Variants in SCN11A observed in about 807,000 individuals in gnomAD.
SCN11A encodes the protein sodium voltage-gated channel alpha subunit 11.
SCN11A carries 122 observed loss-of-function variants against 162.2 expected under a neutral mutation model. That is an observed-to-expected ratio of 0.75 (90% CI 0.65 to 0.87). The LOEUF (loss-of-function observed/expected upper bound fraction) is 0.87. Among genes scored for constraint, SCN11A ranks in the 40% least tolerant of loss-of-function variants. SCN11A has a pLI of 0.00. For missense variants in SCN11A, 2,015 were observed against 2,181.6 expected (o/e 0.92, Z 1.52); for synonymous variants, 758 against 751.5 (o/e 1.01, Z -0.14).
intron 2 of SCN11A, among the ~76,000 whole-genome samples, chr3:38,989,839 A>C (rs889263144): frequency 5.9e-5 from 9 of 151,956 alleles, no homozygotes; most frequent in African/African-American, 2.2e-4. Context: ...GGCCCCCTAC[A>C]ATCCGTTCCC....
At chr3:38,901,922 G>A (rs2065707488) in intron 16 of SCN11A, among the ~76,000 whole-genome samples, 1 of 152,202 alleles carries the variant, frequency 6.6e-6, no homozygotes, top group Admixed American at 6.5e-5. Context: ...TGGAGGAAGT[G>A]AAGAAGAATG....
chr3:39,024,571 A>G (rs986823682), intron 2 of SCN11A, among the ~76,000 whole-genome samples: 1 of 152,244 alleles, frequency 6.6e-6, no homozygotes, highest in Non-Finnish European at 1.5e-5. Context: ...CACAGAAACC[A>G]GAACCCCTTT....
chr3:38,946,324 T>G (rs1289384069), intron 6 of SCN11A, among the ~76,000 whole-genome samples: 1 of 152,208 alleles, frequency 6.6e-6, no homozygotes, highest in Non-Finnish European at 1.5e-5. Context: ...CCAGTTTCCA[T>G]CTTTCAAGAA....
intron 2 of SCN11A, among the ~76,000 whole-genome samples, chr3:39,019,833 T>C (rs2031398382): frequency 6.6e-6 from 1 of 152,266 alleles, no homozygotes; most frequent in African/African-American, 2.4e-5. Flanking sequence ...ATAGGGTTTT[T>C]CTTATCATCG....
Position 38,847,536 on chromosome 3 carries a change from C to T in SCN11A, c.4534G>A (p.Ala1512Thr), listed in dbSNP as rs996917972. ...LLLFLIMFIY[A>T]ILGMNWFSKV... ...GAAAACCAGTTCATACCCAGAATGG[C>T]ATAGATAAACATAATCAGAAAGAGT... Residue 1512 changes from alanine (A) to threonine (T), a missense_variant, in exon 30 of 30, where the codon GCC (alanine) becomes ACC (threonine). Physicochemically the swap from Ala to Thr is moderately conservative, Grantham distance 58 (BLOSUM62 0). Coordinates refer to ENST00000302328, the MANE Select transcript of SCN11A (RefSeq NM_001349253.2). The T allele has an allele frequency of 1.2e-6, 2 of 1,614,054 alleles. No homozygotes were observed. The highest frequency in any genetic ancestry group is 1.7e-6 in the Non-Finnish European group (2 of 1,179,960).
At chr3:39,004,461 T>A (rs2030909723) in intron 2 of SCN11A, among the ~76,000 whole-genome samples, 2 of 152,224 alleles carry the variant, frequency 1.3e-5, no homozygotes, top group African/African-American at 4.8e-5. Flanking sequence ...ATGTGACACC[T>A]CCAGCTTTCT....
intron 2 of SCN11A, among the ~76,000 whole-genome samples, chr3:38,963,351 GGATATATATATATATATA>G (rs2066754502): frequency 3.0e-5 from 1 of 33,656 alleles, no homozygotes; most frequent in African/African-American, 7.8e-5. Context: ...TCTATTTGAT[GGATATATATATATATATA>G]TATATATATA....
chr3:39,021,522 A>G (rs185352742), intron 2 of SCN11A, among the ~76,000 whole-genome samples: 2 of 152,278 alleles, frequency 1.3e-5, no homozygotes, highest in African/African-American at 4.8e-5. Context: ...GGAATAACAG[A>G]TCAGAGAATG....
chr3:39,026,879 C>A (rs2031601999), intron 2 of SCN11A, among the ~76,000 whole-genome samples: 1 of 152,118 alleles, frequency 6.6e-6, no homozygotes, highest in Non-Finnish European at 1.5e-5. Flanking sequence ...TTTCTGAAAG[C>A]AGAATAAGCA....
rs2064938635 is a variant in SCN11A, at chr3:38,860,089, C to T, written c.4056+3106G>A. Among the ~76,000 whole-genome samples, 4 of 152,046 alleles carry T rather than the reference C, an allele frequency of 2.6e-5. No individual in the cohort carries two copies. The South Asian group carries it at 8.3e-4, about 32-fold the overall frequency. On this transcript the variant is annotated intron_variant, in intron 28 of 29. Coordinates refer to ENST00000302328, the MANE Select transcript of SCN11A (RefSeq NM_001349253.2). ...CATTCCACCCAGGAACAGAAGATAG[C>T]AAGAAAACCTCACTTCGACCCCCTA...
chr3:38,942,635 G>A (rs1339290762), intron 7 of SCN11A, among the ~76,000 whole-genome samples: 1 of 152,040 alleles, frequency 6.6e-6, no homozygotes, highest in African/African-American at 2.4e-5. Flanking sequence ...GAAAATGTAG[G>A]GAATATTTTG....
At chr3:38,878,168 T>TAATTAATAAATA (rs1553634654) in intron 23 of SCN11A, among the ~76,000 whole-genome samples, 1 of 148,274 alleles carries the variant, frequency 6.7e-6, no homozygotes, top group Non-Finnish European at 1.5e-5. Flanking sequence ...TATTGAAATA[T>TAATTAATAAATA]AATAAATAAA....
chr3:38,950,592 C>A, intron 4 of SCN11A: 1 of 533,066 alleles, frequency 1.9e-6, no homozygotes, highest in South Asian at 2.3e-5. Context: ...CAAAGCAGGG[C>A]ATCATTCCTG....
intron 11 of SCN11A, among the ~76,000 whole-genome samples, chr3:38,913,408 T>A (rs996314457): frequency 6.6e-6 from 1 of 152,238 alleles, no homozygotes; most frequent in Admixed American, 6.5e-5. Context: ...TGCAAATATT[T>A]TCTCCCATTC....
chr3:38,899,181 T>C (rs1053262549), intron 17 of SCN11A, among the ~76,000 whole-genome samples: 4 of 152,178 alleles, frequency 2.6e-5, no homozygotes, highest in African/African-American at 7.2e-5. Context: ...CCTTCTCAGA[T>C]TGGATTTCTC....
At chr3:38,894,195 A>G (rs1479632972) in intron 19 of SCN11A, among the ~76,000 whole-genome samples, 1 of 152,098 alleles carries the variant, frequency 6.6e-6, no homozygotes, top group Non-Finnish European at 1.5e-5. Context: ...AACAAACAAA[A>G]CATGCTATTC....
At chr3:38,952,324 AAAG>A (rs1245236848) in intron 4 of SCN11A, among the ~76,000 whole-genome samples, 1 of 152,168 alleles carries the variant, frequency 6.6e-6, no homozygotes, top group Non-Finnish European at 1.5e-5. Flanking sequence ...TAGACACTGA[AAAG>A]AAGCAGTAGT....
At chr3:38,958,254 G>A (rs962012710) in intron 3 of SCN11A, among the ~76,000 whole-genome samples, 14 of 151,240 alleles carry the variant, frequency 9.3e-5, no homozygotes, top group African/African-American at 2.4e-5. Context: ...CAAGTGACCC[G>A]GAATATGATG....
chr3:38,945,477 A>T lies in SCN11A; in HGVS notation c.422T>A (p.Ile141Asn). Reference protein sequence around the residue: ...FSMFIIGTVIINCVFMATGPA... With the variant: ...FSMFIIGTVINNCVFMATGPA... ...CCCTGTAGCCATGAACACGCAGTTG[A>T]TGATAACGGTGCCGATAATGAACAT... Residue 141 changes from isoleucine to asparagine, a missense_variant, in exon 7 of 30, where the codon ATC (isoleucine) becomes AAC (asparagine). By Grantham distance (149) the Ile-to-Asn change is moderately radical. Coordinates refer to ENST00000302328, the MANE Select transcript of SCN11A (RefSeq NM_001349253.2). The T allele has an allele frequency of 7.5e-6, 12 of 1,592,706 alleles. No individual in the cohort carries two copies. The highest frequency in any genetic ancestry group is 1.0e-5 in the Non-Finnish European group (12 of 1,165,086).
Sources: gnomAD v4.1 joint callset for allele counts (sites outside exome capture counted in the v4.1 genomes callset) on GRCh38, gnomAD v4.1.1 for gene constraint, MANE v1.5 for transcripts, NCBI Gene and HGNC (gene_info 2026-07-23, HGNC 2026-07-21) for gene names.